The following KIAA0408 variants were observed in gnomAD, a reference collection of about 807,000 sequenced individuals.
KIAA0408 encodes the protein uncharacterized protein KIAA0408.
Under a neutral mutation model 60.9 loss-of-function variants are expected in KIAA0408, and 51 were observed. The observed-to-expected ratio is 0.84, with a 90% CI of 0.67 to 1.06. KIAA0408 has a LOEUF of 1.06. Ranked by LOEUF, KIAA0408 falls within the 50% of genes least tolerant of loss-of-function variation. The pLI, the probability that KIAA0408 is intolerant of heterozygous loss-of-function variation, is 0.00. For missense variants in KIAA0408, 787 were observed against 833.9 expected (o/e 0.94, Z 0.69); for synonymous variants, 304 against 282.4 (o/e 1.08, Z -0.77).
intron 4 of KIAA0408, among the ~76,000 whole-genome samples, chr6:127,448,628 C>T (rs575439453): frequency 3.9e-4 from 60 of 152,036 alleles, no homozygotes; most frequent in African/African-American, 1.1e-3. Context: ...ATATTTATAC[C>T]TCTTCAAATT....
intron 4 of KIAA0408, among the ~76,000 whole-genome samples, chr6:127,449,254 G>A (rs182958889): frequency 1.3e-5 from 2 of 152,012 alleles, no homozygotes; most frequent in East Asian, 3.9e-4. Flanking sequence ...TTTTATGGAG[G>A]GTCTACCTTA....
At position 127,442,011 on chromosome 6, in the gene KIAA0408, A is replaced by C. The variant is rs1307786681; in HGVS notation, c.*2098T>G. 1 of 152,242 alleles carries C rather than the reference A, an allele frequency of 6.6e-6. No individual in the cohort carries two copies. Among genetic ancestry groups the C allele is most frequent in the African/African-American group, 2.4e-5 (1 of 41,466 alleles). 9.4% of individuals were successfully genotyped at this position (152,242 alleles called of 1,614,324 possible). A position where few individuals can be genotyped will look rare whatever the true frequency, so the allele number is the denominator to read the frequency against. On this transcript the variant is annotated 3_prime_UTR_variant, in exon 6 of 6. Transcript: ENST00000483725. ...ATAACAAAGGCAAGTCCTAGGAAGA[A>C]AAGTGACCACCCAAGGGCATCCATC...
intron 1 of KIAA0408, among the ~76,000 whole-genome samples, chr6:127,456,787 G>T (rs561069198): frequency 6.1e-3 from 152 of 24,864 alleles, no homozygotes; most frequent in Admixed American, 0.022. Context: ...AAAGTGGTGG[G>T]GGGGGGGCAT....
rs577832874 is a variant in KIAA0408, at chr6:127,440,120, A to T, written c.*3989T>A. 1.3e-5 allele frequency: 2 copies of T among 152,256 alleles called. No homozygotes were observed. Among genetic ancestry groups the T allele is most frequent in the Non-Finnish European group, 2.9e-5 (2 of 68,020 alleles). The allele number at this position is 152,256 out of a possible 1,614,324, so 9.4% of individuals were successfully genotyped here. ...ATACTATCATTGAAATGTGTATCAG[A>T]TTTTAAGTATCATGATTTTATTCCC... is the stretch of plus-strand genomic sequence containing the variant. On this transcript the variant is annotated 3_prime_UTR_variant, in exon 6 of 6. Coordinates refer to ENST00000483725, the MANE Select transcript of KIAA0408 (RefSeq NM_014702.5).
At chr6:127,457,470 G>C (rs1206712678) in intron 1 of KIAA0408, among the ~76,000 whole-genome samples, 1 of 152,208 alleles carries the variant, frequency 6.6e-6, no homozygotes. Flanking sequence ...TGGCTCTCCA[G>C]TTTATGTTCT....
Position 127,443,904 on chromosome 6 carries a change from T to C in KIAA0408, c.*205A>G. The C allele has an allele frequency of 1.8e-6, 1 of 548,324 alleles. No homozygotes were observed. Among genetic ancestry groups the C allele is most frequent in the Non-Finnish European group, 3.2e-6 (1 of 310,342 alleles). The allele number at this position is 548,324 out of a possible 1,614,324, so 34.0% of individuals were successfully genotyped here. ...AACTTATATTGTATTGGAAAACTAATGAGGATGGCATTAAAAAATTCTGAT... is the reference window on the plus strand; with the variant it reads ...AACTTATATTGTATTGGAAAACTAACGAGGATGGCATTAAAAAATTCTGAT... On this transcript the variant is annotated 3_prime_UTR_variant, in exon 6 of 6. Transcript: ENST00000483725.
chr6:127,447,785 G>T, intron 4 of KIAA0408, 45 bp from the exon 5 acceptor site: 1 of 1,453,770 alleles, frequency 6.9e-7, no homozygotes, highest in Non-Finnish European at 9.1e-7. Context: ...ACTTTATTTA[G>T]AATAAGCTCT....
chr6:127,447,805 A>C (rs2236027), intron 4 of KIAA0408, 65 bp from the exon 5 acceptor site: 832,508 of 1,457,146 alleles, frequency 0.57, 245,590 homozygotes, highest in Non-Finnish European at 0.6. Context: ...TCAAAAGCAA[A>C]CATAGCTAAA....
rs772269537 is a variant in KIAA0408 at position 127,450,250 on chromosome 6, A to T, written c.238T>A (p.Ser80Thr). The T allele has an allele frequency of 2.7e-5, 44 of 1,613,764 alleles. 1 individual carries two copies. In the South Asian group the frequency reaches 4.5e-4, roughly 17 times the overall value. ...CCTAAATCGGGGTAATTTGGGGAAG[A>T]TTCTATCACTTTCTCTGGAATGGTC... ...EKTIPEKVIE[S>T]SPNYPDLGQS... The change falls in exon 3 of 6, where the codon TCT becomes ACT. Residue 80 changes from serine (S) to threonine (T), a missense_variant. Around this residue, in one of 3 missense-constraint regions of KIAA0408, gnomAD observed 640 missense variants for 681.3 expected, o/e 0.94. Transcript: ENST00000483725.
chr6:127,455,262 T>G (rs184328106), intron 1 of KIAA0408, among the ~76,000 whole-genome samples: 2 of 152,264 alleles, frequency 1.3e-5, no homozygotes, highest in Admixed American at 1.3e-4. Flanking sequence ...CAAAATGCTA[T>G]AACTTACTGG....
In KIAA0408 at chr6:127,447,532, C is replaced by G; in HGVS notation, c.787G>C (p.Glu263Gln). 1 of 1,610,780 alleles carries G rather than the reference C, an allele frequency of 6.2e-7. No individual in the cohort carries two copies. Among genetic ancestry groups the G allele is most frequent in the Middle Eastern group, 1.7e-4 (1 of 6,030 alleles). Residue 263 changes from glutamate (E) to glutamine (Q), a missense_variant, in exon 5 of 6, where the codon GAA becomes CAA. Around this residue, in one of 3 missense-constraint regions of KIAA0408, gnomAD observed 640 missense variants for 681.3 expected, o/e 0.94. Coordinates refer to ENST00000483725, the MANE Select transcript of KIAA0408 (RefSeq NM_014702.5). ...GIDTIDLKRN[E>Q]TPPVPPPRST... ...CTTGGAGGAGGAACTGGTGGAGTTT[C>G]ATTTCTTTTTAAATCGATTGTATCA...
chr6:127,446,480 CTGT>C lies in KIAA0408; in HGVS notation c.1836_1838del (p.Gln613del), dbSNP rs774863407. 3.0e-5 allele frequency: 49 copies of C among 1,613,998 alleles called. No individual in the cohort carries two copies. Among genetic ancestry groups the C allele is most frequent in the Non-Finnish European group, 3.8e-5 (45 of 1,180,012 alleles). On this transcript the variant is annotated inframe_deletion, in exon 5 of 6. Coordinates refer to ENST00000483725, the MANE Select transcript of KIAA0408 (RefSeq NM_014702.5). ...CCCACACAGCTGTCTTTTGCTGAAA[CTGT>C]TGTTCCATTTGGAGCATTTCTAAAT...
chr6:127,446,619 A>G lies in KIAA0408; in HGVS notation c.1700T>C (p.Leu567Pro). ...CTCTGTTGCTGTCTCATAGGTTTTCAGCAGCTTTTCCACAACACCATAATT... is the reference window on the plus strand; with the variant it reads ...CTCTGTTGCTGTCTCATAGGTTTTCGGCAGCTTTTCCACAACACCATAATT... ...RSNYGVVEKLLKTYETATESA... is the reference protein window; with the variant it reads ...RSNYGVVEKLPKTYETATESA... The change falls in exon 5 of 6, where the codon CTG becomes CCG. Residue 567 changes from leucine to proline, a missense_variant. By Grantham distance (98) the Leu-to-Pro change is moderately conservative. This residue lies in a region of KIAA0408 where 640 missense variants were observed against 681.3 expected (regional missense o/e 0.94). Transcript: ENST00000483725. 1 of 1,614,132 alleles carries G rather than the reference A, an allele frequency of 6.2e-7. No homozygotes were observed. Among genetic ancestry groups the G allele is most frequent in the Non-Finnish European group, 8.5e-7 (1 of 1,180,022 alleles).
intron 2 of KIAA0408, among the ~76,000 whole-genome samples, chr6:127,453,272 G>A (rs1401000616): frequency 6.6e-6 from 1 of 151,958 alleles, no homozygotes; most frequent in Admixed American, 6.6e-5. Flanking sequence ...TGTCAGAGTC[G>A]TGATATGTCA....
At chr6:127,452,734 G>C (rs187357183) in intron 2 of KIAA0408, among the ~76,000 whole-genome samples, 2 of 152,054 alleles carry the variant, frequency 1.3e-5, no homozygotes, top group African/African-American at 2.4e-5. Flanking sequence ...TTCTGATTGC[G>C]CTGGAGTTTT....
chr6:127,447,087 C>T lies in KIAA0408; in HGVS notation c.1232G>A (p.Cys411Tyr), dbSNP rs775807602. ...ACTGCTCTCTGCTACTGAGGAGCTA[C>T]AGTCATTACTTACATGAAGATCAGG... ...SHPDLHVSNDCSSSVAESSSP... is the reference protein window; with the variant it reads ...SHPDLHVSNDYSSSVAESSSP... The change falls in exon 5 of 6, where the codon TGT (cysteine) becomes TAT (tyrosine). Residue 411 changes from cysteine (C) to tyrosine (Y), a missense_variant. Cys to Tyr is a radical substitution (Grantham distance 194). This residue lies in a region of KIAA0408 where 640 missense variants were observed against 681.3 expected (regional missense o/e 0.94). Transcript: ENST00000483725. 2 of 1,613,896 alleles carry T rather than the reference C, an allele frequency of 1.2e-6. No homozygotes were observed. The highest frequency in any genetic ancestry group is 1.7e-6 in the Non-Finnish European group (2 of 1,179,974).
In KIAA0408 at chr6:127,439,015, G is replaced by A. The variant is rs1773063597; in HGVS notation, c.*5094C>T. The A allele has an allele frequency of 6.6e-6, 1 of 152,228 alleles. No homozygotes were observed. Among genetic ancestry groups the A allele is most frequent in the Non-Finnish European group, 1.5e-5 (1 of 68,106 alleles). 9.4% of individuals were successfully genotyped at this position (152,228 alleles called of 1,614,324 possible). A position where few individuals can be genotyped will look rare whatever the true frequency, so the allele number is the denominator to read the frequency against. On this transcript the variant is annotated 3_prime_UTR_variant, in exon 6 of 6. Coordinates refer to ENST00000483725, the MANE Select transcript of KIAA0408 (RefSeq NM_014702.5). Reference sequence around the variant, plus strand: ...TTCAGCTGCTTCTTGCTATTCTGCTGTTTCTCCATTGTTGGCCCCTTCTGC... The same window carrying A: ...TTCAGCTGCTTCTTGCTATTCTGCTATTTCTCCATTGTTGGCCCCTTCTGC...
chr6:127,459,014 G>GCCC (rs964791149), intron 1 of KIAA0408, among the ~76,000 whole-genome samples, 161 bp downstream of exon 1: 1 of 152,054 alleles, frequency 6.6e-6, no homozygotes, highest in African/African-American at 2.4e-5. Context: ...TATGCACCCC[G>GCCC]CCCACTGTTT....
In KIAA0408 at chr6:127,447,481, A is replaced by C; in HGVS notation, c.838T>G (p.Ser280Ala). The change falls in exon 5 of 6, where the codon TCG becomes GCG. Residue 280 changes from serine (S) to alanine (A), a missense_variant. Around this residue, in one of 3 missense-constraint regions of KIAA0408, gnomAD observed 640 missense variants for 681.3 expected, o/e 0.94. Coordinates refer to ENST00000483725, the MANE Select transcript of KIAA0408 (RefSeq NM_014702.5). ...PRSTSRNFPS[S>A]DSEQAYERWK... ...CTTTCATAGGCTTGTTCAGAATCCG[A>C]GCTGGGAAAATTTCGAGAGGTGCTT... The C allele has an allele frequency of 1.2e-6, 2 of 1,613,696 alleles. No individual in the cohort carries two copies. The highest frequency in any genetic ancestry group is 1.7e-6 in the Non-Finnish European group (2 of 1,179,890).
Sources: allele counts gnomAD v4.1 joint callset (sites outside exome capture counted in the v4.1 genomes callset), GRCh38; gene constraint gnomAD v4.1.1; regional missense constraint gnomAD v4.1.1; transcripts MANE v1.5; gene names NCBI Gene and HGNC (gene_info 2026-07-23, HGNC 2026-07-21).